NFIB: variants seen among roughly 807,000 people sequenced by gnomAD.
NFIB encodes nuclear factor I B, also known as nuclear factor 1 B-type.
Under a neutral mutation model 61.5 loss-of-function variants are expected in NFIB, and 11 were observed. That is an observed-to-expected ratio of 0.18 (90% CI 0.11 to 0.30). The LOEUF (loss-of-function observed/expected upper bound fraction) is 0.30. Among genes scored for constraint, NFIB ranks in the 10% least tolerant of loss-of-function variants. The pLI is 1.00. For missense variants in NFIB, 471 were observed against 608.9 expected (o/e 0.77, Z 2.38); for synonymous variants, 260 against 216.5 (o/e 1.20, Z -1.76).
At chr9:14,277,062 T>C (rs2058051548) in intron 2 of NFIB, among the ~76,000 whole-genome samples, 2 of 152,272 alleles carry the variant, frequency 1.3e-5, no homozygotes, top group South Asian at 4.1e-4. Context: ...CAAAAACAAA[T>C]AGAATGCTTA....
chr9:14,426,876 C>A, the NFIB span, among the ~76,000 whole-genome samples: 2 of 152,134 alleles, frequency 1.3e-5, no homozygotes, highest in African/African-American at 4.8e-5. Flanking sequence ...GTGCTGAGTT[C>A]CCTTCAGACC....
At chr9:14,499,051 T>TGTGTGTGCGTGTGTGG in the NFIB span, among the ~76,000 whole-genome samples, 1 of 151,588 alleles carries the variant, frequency 6.6e-6, no homozygotes. Context: ...CGTGTGTACG[T>TGTGTGTGCGTGTGTGG]GTGTGTGCGT....
intron 2 of NFIB, among the ~76,000 whole-genome samples, chr9:14,234,657 T>G (rs1217508524): frequency 1.7e-5 from 2 of 120,418 alleles, no homozygotes; most frequent in African/African-American, 6.9e-5. Flanking sequence ...CCACTGCACT[T>G]GGTCTACTCT....
chr9:14,137,147 G>C (rs1232185414), intron 6 of NFIB, among the ~76,000 whole-genome samples: 2 of 152,120 alleles, frequency 1.3e-5, no homozygotes, highest in South Asian at 4.1e-4. Context: ...TACATCCCTA[G>C]TCATTTAGAG....
chr9:14,261,777 G>T (rs895205005), intron 2 of NFIB, among the ~76,000 whole-genome samples: 6 of 152,316 alleles, frequency 3.9e-5, no homozygotes, highest in African/African-American at 1.4e-4. Context: ...TGTGACAAAT[G>T]TCTGTCCAGA....
At chr9:14,431,311 T>G in the NFIB span, among the ~76,000 whole-genome samples, 10 of 152,266 alleles carry the variant, frequency 6.6e-5, no homozygotes, top group South Asian at 2.1e-3. Context: ...ACTCAGTAGA[T>G]CCTGACTCTT....
chr9:14,436,128 A>G, the NFIB span, among the ~76,000 whole-genome samples: 1 of 152,220 alleles, frequency 6.6e-6, no homozygotes, highest in Non-Finnish European at 1.5e-5. Flanking sequence ...AACTCTGCTC[A>G]TTGCTTTGGC....
chr9:14,465,609 G>A, the NFIB span, among the ~76,000 whole-genome samples: 53 of 104,996 alleles, frequency 5.0e-4, no homozygotes, highest in Non-Finnish European at 7.4e-4. Context: ...ACACACACAC[G>A]CCCTACCCCC....
At chr9:14,262,800 TG>T (rs1304518473) in intron 2 of NFIB, among the ~76,000 whole-genome samples, 1 of 152,154 alleles carries the variant, frequency 6.6e-6, no homozygotes, top group Non-Finnish European at 1.5e-5. Flanking sequence ...GTTTGTTTTT[TG>T]TTGTTGTTCC....
chr9:14,251,102 C>A (rs1321209324), intron 2 of NFIB, among the ~76,000 whole-genome samples: 6 of 152,090 alleles, frequency 3.9e-5, no homozygotes, highest in Non-Finnish European at 8.8e-5. Context: ...AAACTAGAAA[C>A]CTCAAGAAAA....
the NFIB span, among the ~76,000 whole-genome samples, chr9:14,519,756 C>T: frequency 6.6e-6 from 1 of 152,164 alleles, no homozygotes; most frequent in South Asian, 2.1e-4. Context: ...CTACTACCCC[C>T]ACAAAACAGC....
At chr9:14,278,970 A>G (rs2058188923) in intron 2 of NFIB, among the ~76,000 whole-genome samples, 1 of 152,198 alleles carries the variant, frequency 6.6e-6, no homozygotes, top group Non-Finnish European at 1.5e-5. Context: ...TATCAGTACT[A>G]TCTATAAAAC....
intron 8 of NFIB, among the ~76,000 whole-genome samples, chr9:14,118,884 C>G (rs1023480872): frequency 1.3e-5 from 2 of 150,770 alleles, no homozygotes; most frequent in African/African-American, 4.9e-5. Context: ...AATATGCCCT[C>G]TTAACTTATA....
chr9:14,124,974 C>G (rs1310753943), intron 7 of NFIB, among the ~76,000 whole-genome samples: 4 of 152,122 alleles, frequency 2.6e-5, no homozygotes, highest in African/African-American at 4.8e-5. Context: ...TAGAAACACT[C>G]TAAACTCAGC....
At chr9:14,458,406 T>C in the NFIB span, among the ~76,000 whole-genome samples, 79 of 152,280 alleles carry the variant, frequency 5.2e-4, no homozygotes, top group Middle Eastern at 6.8e-3. Context: ...CCACAGCCAA[T>C]ATCATACTGA....
intron 6 of NFIB, among the ~76,000 whole-genome samples, chr9:14,128,674 G>A (rs188263978): frequency 8.9e-5 from 12 of 135,238 alleles, no homozygotes; most frequent in South Asian, 2.3e-4. Flanking sequence ...CTCCAGCCGC[G>A]ACAAGAACAA....
chr9:14,510,586 T>C, the NFIB span, among the ~76,000 whole-genome samples: 1 of 152,208 alleles, frequency 6.6e-6, no homozygotes, highest in Non-Finnish European at 1.5e-5. Context: ...TTTCATTTCA[T>C]AGGGTAGTTT....
chr9:14,110,830 G>T (rs2037241765), intron 10 of NFIB, among the ~76,000 whole-genome samples: 1 of 151,954 alleles, frequency 6.6e-6, no homozygotes, highest in Non-Finnish European at 1.5e-5. Flanking sequence ...TTATTTACAG[G>T]TATTTTCTGC....
At chr9:14,406,322 T>G in the NFIB span, among the ~76,000 whole-genome samples, 1 of 152,206 alleles carries the variant, frequency 6.6e-6, no homozygotes, top group Non-Finnish European at 1.5e-5. Flanking sequence ...GTATGTTTAC[T>G]GCAATTATTT....
Sources: allele counts gnomAD v4.1 joint callset (sites outside exome capture counted in the v4.1 genomes callset), GRCh38; gene constraint gnomAD v4.1.1; transcripts MANE v1.5; gene names NCBI Gene and HGNC (gene_info 2026-07-23, HGNC 2026-07-21).